The following TP63 variants were observed in gnomAD, a reference collection of about 807,000 sequenced individuals.
TP63 encodes the protein tumor protein 63.
TP63 carries 17 observed loss-of-function variants against 82.8 expected under a neutral mutation model. That is an observed-to-expected ratio of 0.21 (90% confidence interval 0.14 to 0.31). The LOEUF is 0.31. Among genes scored for constraint, TP63 ranks in the 10% least tolerant of loss-of-function variants. The pLI, the probability that TP63 is intolerant of heterozygous loss-of-function variation, is 1.00. For synonymous variants in TP63, 330 were observed against 321.7 expected (o/e 1.03, Z -0.28); for missense variants, 648 against 895.3 (o/e 0.72, Z 3.52).
chr3:189,707,386 A>C (rs1463061444), intron 1 of TP63, among the ~76,000 whole-genome samples: 3 of 152,172 alleles, frequency 2.0e-5, no homozygotes, highest in African/African-American at 7.2e-5. Context: ...ATTTGCCAGA[A>C]TATTATAAAC....
rs575403077 is a variant in TP63, at chr3:189,761,875, G to T, written c.324+23101G>T. 8.5e-5 allele frequency among the ~76,000 whole-genome samples: 13 copies of T among 152,338 alleles called. No individual in the cohort carries two copies. The South Asian group carries it at 2.7e-3, about 32-fold the overall frequency. On this transcript the variant is annotated intron_variant, in intron 3 of 13. Transcript: ENST00000264731. ...CAAGTCACATCTTATGTGGATGGCAGCAGGCAGAGAGAGCTTGTGCAGAGA... is the reference window on the plus strand; with the variant it reads ...CAAGTCACATCTTATGTGGATGGCATCAGGCAGAGAGAGCTTGTGCAGAGA...
intron 3 of TP63, among the ~76,000 whole-genome samples, chr3:189,745,893 T>A (rs1560152705): frequency 6.6e-6 from 1 of 150,924 alleles, no homozygotes; most frequent in African/African-American, 2.4e-5. Context: ...ACAGAAGAAT[T>A]AAAAAAAATC....
chr3:189,811,023 A>G (rs1727505200), intron 4 of TP63, among the ~76,000 whole-genome samples: 1 of 152,142 alleles, frequency 6.6e-6, no homozygotes, highest in Non-Finnish European at 1.5e-5. Context: ...ACACTGGTAA[A>G]ATTTCCTTAC....
chr3:189,650,453 A>ACC (rs1712793692), intron 1 of TP63, among the ~76,000 whole-genome samples: 3 of 146,718 alleles, frequency 2.0e-5, no homozygotes, highest in Non-Finnish European at 4.5e-5. Context: ...TATGAGATGA[A>ACC]CCAGGTGGAG....
At chr3:189,868,072 T>A in intron 7 of TP63, 130 bp downstream of exon 7, 1 of 789,278 alleles carries the variant, frequency 1.3e-6, no homozygotes, top group Non-Finnish European at 2.2e-6. Flanking sequence ...TCTAAATCCT[T>A]GCTACAAACG....
At chr3:189,822,436 A>G (rs1305621824) in intron 4 of TP63, among the ~76,000 whole-genome samples, 1 of 152,224 alleles carries the variant, frequency 6.6e-6, no homozygotes, top group Non-Finnish European at 1.5e-5. Context: ...GGTCCATAGA[A>G]GACATATCAT....
At chr3:189,604,024 A>G in the TP63 span, among the ~76,000 whole-genome samples, 1 of 152,194 alleles carries the variant, frequency 6.6e-6, no homozygotes, top group South Asian at 2.1e-4. Context: ...AACACTTGAA[A>G]AATATATATA....
chr3:189,615,281 C>T, the TP63 span, among the ~76,000 whole-genome samples: 1 of 152,146 alleles, frequency 6.6e-6, no homozygotes, highest in African/African-American at 2.4e-5. Flanking sequence ...TACCTGACTG[C>T]AGGAATGTGC....
intron 4 of TP63, among the ~76,000 whole-genome samples, chr3:189,838,443 T>C (rs1357576275): frequency 1.3e-5 from 2 of 152,212 alleles, no homozygotes; most frequent in Non-Finnish European, 2.9e-5. Flanking sequence ...TTACAAAGAA[T>C]GCAGAAAAAG....
intron 4 of TP63, among the ~76,000 whole-genome samples, chr3:189,852,556 T>C (rs958382933): frequency 1.3e-5 from 2 of 152,302 alleles, no homozygotes; most frequent in East Asian, 3.9e-4. Context: ...CCAAAGAGTT[T>C]CCCCCATCAT....
intron 3 of TP63, among the ~76,000 whole-genome samples, chr3:189,774,022 A>C (rs909701875): frequency 7.2e-6 from 1 of 139,816 alleles, no homozygotes; most frequent in Non-Finnish European, 1.5e-5. Flanking sequence ...TCCTGGGTTC[A>C]TGCCATTCTC....
At position 189,868,642 on chromosome 3, in the gene TP63, G is replaced by A. The variant is rs779097193; in HGVS notation, c.1055G>A (p.Arg352Lys). 1.2e-6 allele frequency: 2 copies of A among 1,614,166 alleles called. No individual in the cohort carries two copies. Among genetic ancestry groups the A allele is most frequent in the Admixed American group, 3.3e-5 (2 of 60,010 alleles). Residue 352 changes from arginine (R) to lysine (K), a missense_variant, in exon 8 of 14, where the codon AGG (arginine) becomes AAG (lysine). Transcript: ENST00000264731. Reference protein sequence around the residue: ...ARICACPGRDRKADEDSIRKQ... With the variant: ...ARICACPGRDKKADEDSIRKQ... ...ATCTGTGCTTGCCCAGGAAGAGACA[G>A]GAAGGCGGATGAAGATAGCATCAGA...
intron 2 of TP63, 55 bp downstream of exon 2, chr3:189,737,923 G>A (rs1296878268): frequency 1.2e-6 from 2 of 1,610,066 alleles, no homozygotes; most frequent in South Asian, 1.1e-5. Context: ...GTAAATGTGG[G>A]TGGTCAAAAT....
intron 1 of TP63, among the ~76,000 whole-genome samples, chr3:189,733,270 C>T (rs929856110): frequency 2.0e-5 from 3 of 152,302 alleles, no homozygotes; most frequent in African/African-American, 7.2e-5. Context: ...GTTTTTCTCT[C>T]TTCTGCCTTA....
chr3:189,619,169 G>A, the TP63 span, among the ~76,000 whole-genome samples: 5 of 152,238 alleles, frequency 3.3e-5, no homozygotes, highest in South Asian at 2.1e-4. Context: ...TGACCAGTAC[G>A]TCTTCAGCTG....
At chr3:189,739,348 T>G (rs915557471) in intron 3 of TP63, among the ~76,000 whole-genome samples, 1 of 152,172 alleles carries the variant, frequency 6.6e-6, no homozygotes. Flanking sequence ...ACTCTTGCCT[T>G]CCTGTGATCT....
At chr3:189,705,739 G>A (rs556804057) in intron 1 of TP63, among the ~76,000 whole-genome samples, 1 of 152,082 alleles carries the variant, frequency 6.6e-6, no homozygotes, top group African/African-American at 2.4e-5. Context: ...ATTCTCAAGG[G>A]GGGTACACTG....
chr3:189,806,936 C>T (rs1246887810), intron 3 of TP63, among the ~76,000 whole-genome samples: 1 of 152,106 alleles, frequency 6.6e-6, no homozygotes, highest in Non-Finnish European at 1.5e-5. Flanking sequence ...AAAAGATAAG[C>T]CTAGCTCCTA....
At chr3:189,644,562 G>A (rs76151703) in intron 1 of TP63, among the ~76,000 whole-genome samples, 1,718 of 152,160 alleles carry the variant, frequency 0.011, 39 homozygotes, top group African/African-American at 0.039. Context: ...TTGGGGGAAC[G>A]TGGTTTTTGG....
Sources: gnomAD v4.1 joint callset for allele counts (sites outside exome capture counted in the v4.1 genomes callset) on GRCh38, gnomAD v4.1.1 for gene constraint, MANE v1.5 for transcripts, NCBI Gene and HGNC (gene_info 2026-07-23, HGNC 2026-07-21) for gene names.